Variants in RTF1 observed in about 807,000 individuals in gnomAD.
RTF1 encodes the protein RNA polymerase-associated protein RTF1 homolog.
Under a neutral mutation model 95.7 loss-of-function variants are expected in RTF1, and 10 were observed. The observed-to-expected ratio is 0.10, with a 90% CI of 0.06 to 0.18. The LOEUF (loss-of-function observed/expected upper bound fraction) is 0.18, where lower values mean the gene tolerates loss of function less well. RTF1 is among the 10% of genes least tolerant of loss of function. The pLI is 1.00. For missense variants in RTF1, 458 were observed against 875.6 expected (o/e 0.52, Z 6.02); for synonymous variants, 305 against 311.8 (o/e 0.98, Z 0.23).
intron 2 of RTF1, among the ~76,000 whole-genome samples, chr15:41,448,379 A>C (rs186364751): frequency 3.3e-5 from 5 of 152,112 alleles, no homozygotes. Context: ...AAAAATGGGA[A>C]ATGTTGGCCG....
At chr15:41,457,542 CAAAT>C (rs2140960756) in intron 3 of RTF1, 126 bp from the exon 4 acceptor site, 3 of 873,198 alleles carry the variant, frequency 3.4e-6, no homozygotes, top group East Asian at 2.4e-5. Flanking sequence ...AAAGTAAAAA[CAAAT>C]AAGTAAAATA....
chr15:41,423,770 T>A (rs1487026963), intron 1 of RTF1, among the ~76,000 whole-genome samples: 1 of 151,946 alleles, frequency 6.6e-6, no homozygotes, highest in Non-Finnish European at 1.5e-5. Flanking sequence ...TTATTTATTT[T>A]GAGATGGAGT....
intron 8 of RTF1, among the ~76,000 whole-genome samples, chr15:41,473,156 C>CG (rs1489606110): frequency 4.6e-5 from 7 of 151,972 alleles, no homozygotes; most frequent in Non-Finnish European, 1.0e-4. Context: ...TTTTTTGAGA[C>CG]GGAGTCTCGC....
chr15:41,445,059 G>A lies in RTF1; in HGVS notation c.309+6628G>A, dbSNP rs555512815. On this transcript the variant is annotated intron_variant, in intron 2 of 17. Coordinates refer to ENST00000389629, the MANE Select transcript of RTF1 (RefSeq NM_015138.5). ...CCGTTCTCCTGCCTCAGCCTCCCTAGTAGCTGGGACTACAGGCGCCCACCA... is the reference window on the plus strand; with the variant it reads ...CCGTTCTCCTGCCTCAGCCTCCCTAATAGCTGGGACTACAGGCGCCCACCA... 2.8e-3 allele frequency among the ~76,000 whole-genome samples: 422 copies of A among 152,100 alleles called. 2 individuals carry two copies. Among genetic ancestry groups the A allele is most frequent in the Non-Finnish European group, 5.2e-3 (352 of 67,996 alleles).
intron 1 of RTF1, among the ~76,000 whole-genome samples, chr15:41,431,857 G>A (rs2050676581): frequency 6.6e-6 from 1 of 151,344 alleles, no homozygotes; most frequent in Non-Finnish European, 1.5e-5. Flanking sequence ...CCAGAGTGCA[G>A]TGGCACGATC....
intron 2 of RTF1, chr15:41,440,236 G>A (rs2050726253): frequency 6.8e-6 from 1 of 147,298 alleles, no homozygotes; most frequent in African/African-American, 2.5e-5. Flanking sequence ...TGTCACCCAG[G>A]CTACAGTGCA....
rs58073154 is a variant in RTF1 at position 41,426,781 on chromosome 15, ATGTGTGTGTGTGTGTG to A, written c.198+9498_198+9513del. ...TACTGTGCCCAGCCGCTACATATAT[ATGTGTGTGTGTGTGTG>A]TGTGTGTGTGTGTGTGTGTGTGTGT... On this transcript the variant is annotated intron_variant, in intron 1 of 17. Coordinates refer to ENST00000389629, the MANE Select transcript of RTF1 (RefSeq NM_015138.5). 5.7e-3 allele frequency among the ~76,000 whole-genome samples: 444 copies of A among 78,456 alleles called. 3 individuals carry two copies. The highest frequency in any genetic ancestry group is 0.018 in the African/African-American group (393 of 21,528). 51.5% of individuals were successfully genotyped at this position (78,456 alleles called of 152,430 possible).
chr15:41,431,111 G>A (rs542734453), intron 1 of RTF1, among the ~76,000 whole-genome samples: 34 of 150,776 alleles, frequency 2.3e-4, no homozygotes, highest in South Asian at 8.4e-4. Flanking sequence ...TCATCATGTT[G>A]GCCAGGCTGG....
intron 9 of RTF1, 26 bp from the exon 10 acceptor site, chr15:41,475,499 G>C: frequency 6.3e-7 from 1 of 1,593,910 alleles, no homozygotes; most frequent in Middle Eastern, 1.7e-4. Context: ...CACATTTCTT[G>C]GAGATGCTGT....
Position 41,480,744 on chromosome 15 carries a change from C to G in RTF1, c.*57C>G. Reference sequence around the variant, plus strand: ...TGCCCCATCGCAGCGTCCCACCTTTCCTCCTTTCCTTTGATTTAGCCTCTT... The same window carrying G: ...TGCCCCATCGCAGCGTCCCACCTTTGCTCCTTTCCTTTGATTTAGCCTCTT... On this transcript the variant is annotated 3_prime_UTR_variant, in exon 18 of 18. Coordinates refer to ENST00000389629, the MANE Select transcript of RTF1 (RefSeq NM_015138.5). The G allele has an allele frequency of 7.9e-7, 1 of 1,262,018 alleles. No individual in the cohort carries two copies. The highest frequency in any genetic ancestry group is 1.7e-5 in the Admixed American group (1 of 57,526). 78.2% of individuals were successfully genotyped at this position (1,262,018 alleles called of 1,614,324 possible). A position where few individuals can be genotyped will look rare whatever the true frequency, so the allele number is the denominator to read the frequency against.
intron 1 of RTF1, among the ~76,000 whole-genome samples, chr15:41,420,087 C>T (rs1007132192): frequency 1.3e-5 from 2 of 152,260 alleles, no homozygotes; most frequent in East Asian, 3.9e-4. Context: ...TCCCAAAGTG[C>T]TGGGATTACA....
intron 1 of RTF1, among the ~76,000 whole-genome samples, chr15:41,436,188 A>G (rs1028814486): frequency 2.0e-5 from 3 of 151,274 alleles, no homozygotes; most frequent in African/African-American, 7.3e-5. Flanking sequence ...GCAGTGGCTC[A>G]CGCCTGTAAT....
At chr15:41,430,174 A>AT (rs773433000) in intron 1 of RTF1, among the ~76,000 whole-genome samples, 3,805 of 110,184 alleles carry the variant, frequency 0.035, 125 homozygotes, top group Middle Eastern at 0.06. Flanking sequence ...TGTCTGGCTA[A>AT]TTTTTTTTTT....
intron 17 of RTF1, 115 bp from the exon 18 acceptor site, chr15:41,480,466 T>C (rs111878957): frequency 0.016 from 15,707 of 952,362 alleles, 411 homozygotes; most frequent in African/African-American, 0.085. Context: ...AGACAGGCTG[T>C]GGGTATGGTG....
intron 4 of RTF1, among the ~76,000 whole-genome samples, chr15:41,460,556 T>C (rs1488805159): frequency 6.6e-6 from 1 of 152,250 alleles, no homozygotes; most frequent in Admixed American, 6.5e-5. Context: ...AGTAAGATGT[T>C]GTCGTGTAAG....
intron 3 of RTF1, among the ~76,000 whole-genome samples, chr15:41,455,313 C>CA (rs1274614247): frequency 0.017 from 1,319 of 76,072 alleles, 18 homozygotes; most frequent in African/African-American, 0.051. Context: ...ACTCTGTCTC[C>CA]AAAAAAAAAA....
chr15:41,474,287 C>A (rs2140654953), intron 8 of RTF1, among the ~76,000 whole-genome samples: 1 of 152,328 alleles, frequency 6.6e-6, no homozygotes, highest in African/African-American at 2.4e-5. Flanking sequence ...CAGAAACTGA[C>A]CTACATGGTC....
At chr15:41,472,705 CTTT>C (rs767696780) in intron 8 of RTF1, among the ~76,000 whole-genome samples, 5 of 127,176 alleles carry the variant, frequency 3.9e-5, no homozygotes, top group Non-Finnish European at 5.1e-5. Flanking sequence ...GACTGAGTCT[CTTT>C]TTTTTTTTTT....
chr15:41,417,219 G>T lies in RTF1; in HGVS notation c.104G>T (p.Gly35Val). 1 of 1,260,056 alleles carries T rather than the reference G, an allele frequency of 7.9e-7. No individual in the cohort carries two copies. The highest frequency in any genetic ancestry group is 1.0e-6 in the Non-Finnish European group (1 of 996,458). The allele number at this position is 1,260,056 out of a possible 1,614,324, so 78.1% of individuals were successfully genotyped here. ...QEGSPGGGRR[G>V]SRGTTMVKKR... ...GGGAGTCCGGGCGGCGGCCGGCGTG[G>T]GAGCCGGGGGACCACCATGGTAAAG... Residue 35 changes from glycine to valine, a missense_variant, in exon 1 of 18, where the codon GGG becomes GTG. This residue lies in a region of RTF1 where 81 missense variants were observed against 59.9 expected (regional missense o/e 1.35). Coordinates refer to ENST00000389629, the MANE Select transcript of RTF1 (RefSeq NM_015138.5).
Sources: allele counts gnomAD v4.1 joint callset (sites outside exome capture counted in the v4.1 genomes callset), GRCh38; gene constraint gnomAD v4.1.1; regional missense constraint gnomAD v4.1.1; transcripts MANE v1.5; gene names NCBI Gene and HGNC (gene_info 2026-07-23, HGNC 2026-07-21).